MYO1E: variants seen among roughly 807,000 people sequenced by gnomAD.
MYO1E encodes the protein myosin IE, also known as unconventional myosin-Ie.
MYO1E carries 68 observed loss-of-function variants against 151.1 expected under a neutral mutation model. The ratio of observed to expected loss-of-function variants is 0.45; its 90% CI spans 0.37 to 0.55. The LOEUF (loss-of-function observed/expected upper bound fraction) is 0.55. Among genes scored for constraint, MYO1E ranks in the 20% least tolerant of loss-of-function variants. MYO1E has a pLI of 0.00. For missense variants in MYO1E, 1,363 were observed against 1,389.3 expected (o/e 0.98, Z 0.30); for synonymous variants, 601 against 501.7 (o/e 1.20, Z -2.64).
Position 59,256,388 on chromosome 15 carries a change from CA to C in MYO1E, c.238-11del. The C allele has an allele frequency of 3.4e-6, 5 of 1,483,164 alleles. No homozygotes were observed. Among genetic ancestry groups the C allele is most frequent in the East Asian group, 2.3e-5 (1 of 43,438 alleles). The allele number at this position is 1,483,164 out of a possible 1,614,324, so 91.9% of individuals were successfully genotyped here. A position where few individuals can be genotyped will look rare whatever the true frequency, so the allele number is the denominator to read the frequency against. ...GGTTTTCATACTGTGCCTAGAAAAG[CA>C]AAAAATAATAATACATAAATAATAA... On this transcript the variant is annotated splice_polypyrimidine_tract_variant and intron_variant, in intron 3 of 27. Coordinates refer to ENST00000288235, the MANE Select transcript of MYO1E (RefSeq NM_004998.4).
intron 4 of MYO1E, among the ~76,000 whole-genome samples, chr15:59,247,659 GC>G (rs1207604361): frequency 6.6e-6 from 1 of 152,146 alleles, no homozygotes; most frequent in Admixed American, 6.5e-5. Context: ...CTTAGCCCTG[GC>G]TTTTAAGCAG....
chr15:59,336,633 G>T (rs2080730435), intron 1 of MYO1E, among the ~76,000 whole-genome samples: 1 of 151,946 alleles, frequency 6.6e-6, no homozygotes, highest in Non-Finnish European at 1.5e-5. Flanking sequence ...TAAGTTCTGG[G>T]ATACATTTGC....
intron 15 of MYO1E, among the ~76,000 whole-genome samples, chr15:59,203,819 G>A (rs1300296909): frequency 3.3e-5 from 5 of 152,222 alleles, no homozygotes; most frequent in African/African-American, 1.2e-4. Flanking sequence ...TCCATAATAT[G>A]TATTTGCTGA....
chr15:59,217,426 G>C (rs1428117225), intron 10 of MYO1E, among the ~76,000 whole-genome samples: 1 of 149,396 alleles, frequency 6.7e-6, no homozygotes, highest in Non-Finnish European at 1.5e-5. Flanking sequence ...GGAAAAGCAG[G>C]ATTCAGTAAT....
At chr15:59,219,842 A>G (rs1285378953) in intron 9 of MYO1E, among the ~76,000 whole-genome samples, 3 of 152,166 alleles carry the variant, frequency 2.0e-5, no homozygotes, top group Non-Finnish European at 4.4e-5. Context: ...CTGCAAGTGG[A>G]TATTTGGAGC....
chr15:59,196,986 CTTTTTTTTTTTTTT>C (rs71977305), intron 16 of MYO1E, among the ~76,000 whole-genome samples: 1 of 71,512 alleles, frequency 1.4e-5, no homozygotes, highest in African/African-American at 5.1e-5. Context: ...TTAATTACGA[CTTTTTTTTTTTTTT>C]TTTTTTTTTT....
At chr15:59,231,448 T>C (rs2080027489) in intron 6 of MYO1E, among the ~76,000 whole-genome samples, 1 of 152,240 alleles carries the variant, frequency 6.6e-6, no homozygotes, top group Non-Finnish European at 1.5e-5. Context: ...GCCACTTTCA[T>C]CATTTATTTT....
At chr15:59,262,425 TG>T (rs1427408026) in intron 2 of MYO1E, among the ~76,000 whole-genome samples, 1 of 152,034 alleles carries the variant, frequency 6.6e-6, no homozygotes, top group African/African-American at 2.4e-5. Context: ...GAGGCCGGCC[TG>T]GGCAACATAG....
At chr15:59,138,078 G>A (rs1317641828) in intron 27 of MYO1E, 120 bp downstream of exon 27, 14 of 1,233,996 alleles carry the variant, frequency 1.1e-5, no homozygotes, top group African/African-American at 3.0e-5. Flanking sequence ...GGCCTGACCT[G>A]CCTCTACAAA....
chr15:59,329,066 TGTAA>T (rs1440341672), intron 1 of MYO1E, among the ~76,000 whole-genome samples: 1 of 152,168 alleles, frequency 6.6e-6, no homozygotes, highest in Non-Finnish European at 1.5e-5. Context: ...AAATGGGTAA[TGTAA>T]GTAATAATGA....
At chr15:59,175,836 G>A (rs987499461) in intron 19 of MYO1E, among the ~76,000 whole-genome samples, 1 of 152,124 alleles carries the variant, frequency 6.6e-6, no homozygotes, top group African/African-American at 2.4e-5. Flanking sequence ...TCAAAGATTC[G>A]CTGGATTTTA....
At chr15:59,203,944 TCTA>T (rs756171589) in intron 15 of MYO1E, among the ~76,000 whole-genome samples, 8 of 152,222 alleles carry the variant, frequency 5.3e-5, no homozygotes, top group Non-Finnish European at 1.2e-4. Flanking sequence ...TCCCCAGCAG[TCTA>T]CTTTTAACTT....
intron 22 of MYO1E, among the ~76,000 whole-genome samples, chr15:59,169,232 C>T (rs527427144): frequency 6.6e-6 from 1 of 152,310 alleles, no homozygotes; most frequent in East Asian, 1.9e-4. Flanking sequence ...AGCCAATAGT[C>T]AACTGGTCAA....
chr15:59,166,331 A>G (rs1206665615), intron 22 of MYO1E, among the ~76,000 whole-genome samples: 4 of 152,204 alleles, frequency 2.6e-5, no homozygotes, highest in Non-Finnish European at 4.4e-5. Flanking sequence ...ACTTATTCCT[A>G]TGCTGCAATT....
intron 14 of MYO1E, among the ~76,000 whole-genome samples, chr15:59,206,411 G>C (rs1197997374): frequency 1.3e-5 from 2 of 152,166 alleles, no homozygotes; most frequent in African/African-American, 4.8e-5. Flanking sequence ...GCCAGGACTG[G>C]CACCAAGGCA....
chr15:59,323,168 CAAAAAAAAAAA>C (rs10569332), intron 1 of MYO1E, among the ~76,000 whole-genome samples: 1 of 63,672 alleles, frequency 1.6e-5, no homozygotes, highest in Non-Finnish European at 3.2e-5. Flanking sequence ...GACCCCATCA[CAAAAAAAAAAA>C]AAAAAAAAAA....
At chr15:59,293,399 A>C (rs1596403810) in intron 1 of MYO1E, among the ~76,000 whole-genome samples, 1 of 152,044 alleles carries the variant, frequency 6.6e-6, no homozygotes, top group East Asian at 1.9e-4. Flanking sequence ...TACAAAAATT[A>C]GCCAGGCGTG....
intron 18 of MYO1E, among the ~76,000 whole-genome samples, chr15:59,179,226 G>A (rs971623094): frequency 1.3e-4 from 20 of 152,114 alleles, no homozygotes; most frequent in African/African-American, 4.6e-4. Context: ...CTCACCTTCA[G>A]TGACACTCCC....
intron 17 of MYO1E, among the ~76,000 whole-genome samples, chr15:59,194,880 G>C (rs2079756329): frequency 6.6e-6 from 1 of 152,186 alleles, no homozygotes; most frequent in South Asian, 2.1e-4. Flanking sequence ...CTGGAAGTCA[G>C]GGCAGAAAGG....
Sources: gnomAD v4.1 joint callset for allele counts (sites outside exome capture counted in the v4.1 genomes callset) on GRCh38, gnomAD v4.1.1 for gene constraint, MANE v1.5 for transcripts, NCBI Gene and HGNC (gene_info 2026-07-23, HGNC 2026-07-21) for gene names.